Variants in KCNIP4 observed in about 807,000 individuals in gnomAD.
KCNIP4 encodes Kv channel-interacting protein 4.
In KCNIP4, 12 loss-of-function variants were observed where a neutral mutation model predicts 34.0. The observed-to-expected ratio is 0.35, with a 90% CI of 0.23 to 0.57. The LOEUF is 0.57. Ranked by LOEUF, KCNIP4 falls within the 20% of genes least tolerant of loss-of-function variation. The probability of loss-of-function intolerance (pLI) is 0.83; values close to 1 mark genes in which losing one functional copy is unlikely to be tolerated. For missense variants in KCNIP4, 238 were observed against 311.7 expected (o/e 0.76, Z 1.78); for synonymous variants, 124 against 102.2 (o/e 1.21, Z -1.29).
chr4:21,793,303 G>C (rs1442130655), intron 1 of KCNIP4, among the ~76,000 whole-genome samples: 5 of 152,136 alleles, frequency 3.3e-5, no homozygotes, highest in African/African-American at 1.2e-4. Flanking sequence ...AGGCTGAAAT[G>C]CAATAGCACC....
At chr4:21,910,837 C>T (rs1728264859) in intron 1 of KCNIP4, among the ~76,000 whole-genome samples, 1 of 152,042 alleles carries the variant, frequency 6.6e-6, no homozygotes, top group East Asian at 1.9e-4. Context: ...CTTGAGTTTG[C>T]TTTTTTAAGA....
chr4:21,021,954 T>G (rs1481196728), intron 1 of KCNIP4, among the ~76,000 whole-genome samples: 1 of 152,116 alleles, frequency 6.6e-6, no homozygotes, highest in Admixed American at 6.6e-5. Context: ...TTAGCAAATA[T>G]TATGTATTGT....
At chr4:21,200,601 A>T (rs1451406167) in intron 1 of KCNIP4, among the ~76,000 whole-genome samples, 1 of 151,866 alleles carries the variant, frequency 6.6e-6, no homozygotes, top group Non-Finnish European at 1.5e-5. Context: ...GAAAAGGCAT[A>T]CAGAGTGGTA....
At chr4:21,030,632 T>A (rs1254021804) in intron 1 of KCNIP4, among the ~76,000 whole-genome samples, 1 of 152,126 alleles carries the variant, frequency 6.6e-6, no homozygotes, top group African/African-American at 2.4e-5. Context: ...ACTTCAGAAA[T>A]GCTTTGTTTA....
chr4:21,907,658 G>T (rs2108977017), intron 1 of KCNIP4, among the ~76,000 whole-genome samples: 1 of 152,230 alleles, frequency 6.6e-6, no homozygotes, highest in South Asian at 2.1e-4. Context: ...AAATTACACT[G>T]CAATCAGTAG....
chr4:20,899,812 A>G (rs540679942), intron 1 of KCNIP4, among the ~76,000 whole-genome samples: 2 of 152,306 alleles, frequency 1.3e-5, no homozygotes, highest in African/African-American at 4.8e-5. Context: ...GGAAAAATCC[A>G]CTAAGACCTT....
intron 1 of KCNIP4, among the ~76,000 whole-genome samples, chr4:21,198,312 T>C (rs1342277486): frequency 3.3e-5 from 5 of 152,204 alleles, no homozygotes; most frequent in African/African-American, 1.2e-4. Flanking sequence ...ACTGCTAGCA[T>C]TAGTGCTCCC....
chr4:20,992,189 A>C (rs925003000), intron 1 of KCNIP4, among the ~76,000 whole-genome samples: 30 of 152,212 alleles, frequency 2.0e-4, no homozygotes, highest in African/African-American at 7.0e-4. Flanking sequence ...ACACTTCCTC[A>C]TTGCTGGGGA....
At chr4:21,609,321 T>C (rs1380096887) in intron 1 of KCNIP4, among the ~76,000 whole-genome samples, 2 of 152,150 alleles carry the variant, frequency 1.3e-5, no homozygotes, top group Non-Finnish European at 2.9e-5. Flanking sequence ...TCAACCACAA[T>C]ATAGGAAAAT....
At chr4:21,532,374 T>A (rs1482730706) in intron 1 of KCNIP4, among the ~76,000 whole-genome samples, 1 of 152,196 alleles carries the variant, frequency 6.6e-6, no homozygotes, top group Non-Finnish European at 1.5e-5. Flanking sequence ...TTTGTAGTGA[T>A]GTTCATGAAC....
chr4:21,517,964 C>T (rs763311084), intron 1 of KCNIP4, among the ~76,000 whole-genome samples: 15 of 152,086 alleles, frequency 9.9e-5, no homozygotes, highest in Non-Finnish European at 1.8e-4. Flanking sequence ...CAAAAGCCTA[C>T]GGTGGTATTA....
At chr4:21,033,476 G>C (rs187185169) in intron 1 of KCNIP4, among the ~76,000 whole-genome samples, 2 of 152,090 alleles carry the variant, frequency 1.3e-5, no homozygotes, top group African/African-American at 2.4e-5. Context: ...AATATCCATC[G>C]GTCTATTGCA....
intron 1 of KCNIP4, among the ~76,000 whole-genome samples, chr4:20,942,863 G>A (rs1731784262): frequency 1.3e-5 from 2 of 151,932 alleles, no homozygotes; most frequent in South Asian, 4.2e-4. Context: ...GTAGAGACGG[G>A]GTTTCACCAT....
At chr4:21,615,896 C>T (rs906496790) in intron 1 of KCNIP4, among the ~76,000 whole-genome samples, 5 of 152,188 alleles carry the variant, frequency 3.3e-5, no homozygotes, top group Non-Finnish European at 7.3e-5. Context: ...CTGAGCAATC[C>T]TTGTCTCTTG....
intron 1 of KCNIP4, among the ~76,000 whole-genome samples, chr4:21,680,456 T>G (rs1387852212): frequency 1.3e-5 from 2 of 152,214 alleles, no homozygotes; most frequent in African/African-American, 4.8e-5. Flanking sequence ...ATGTTGATGT[T>G]TTGACTTCCT....
At chr4:21,943,672 G>C (rs1403618298) in intron 1 of KCNIP4, among the ~76,000 whole-genome samples, 1 of 152,174 alleles carries the variant, frequency 6.6e-6, no homozygotes, top group Non-Finnish European at 1.5e-5. Context: ...TAAGGAATTT[G>C]TATTTTTGAT....
chr4:21,864,106 C>G (rs1042609690), intron 1 of KCNIP4, among the ~76,000 whole-genome samples: 2 of 152,174 alleles, frequency 1.3e-5, no homozygotes, highest in Admixed American at 6.5e-5. Context: ...TCCACATTCC[C>G]ATGAACTCAT....
rs1577887616 is a variant in KCNIP4 at position 21,206,697 on chromosome 4, C to T, written c.62-323988G>A. On this transcript the variant is annotated intron_variant, in intron 1 of 8. Coordinates refer to ENST00000382152, the MANE Select transcript of KCNIP4 (RefSeq NM_025221.6). ...TAACAATTATATTTCATTAACAGTA[C>T]ATAATTGAAGGATGTTATCTGATTT... is the stretch of plus-strand genomic sequence containing the variant. Among the ~76,000 whole-genome samples, 3 of 152,140 alleles carry T rather than the reference C, an allele frequency of 2.0e-5. No individual in the cohort carries two copies. The East Asian group carries it at 5.8e-4, about 29-fold the overall frequency.
At chr4:20,911,358 G>A (rs1226519688) in intron 1 of KCNIP4, among the ~76,000 whole-genome samples, 1 of 152,160 alleles carries the variant, frequency 6.6e-6, no homozygotes, top group Non-Finnish European at 1.5e-5. Context: ...AGTTTTCATG[G>A]TTCATTATTT....
Sources: allele counts gnomAD v4.1 joint callset (sites outside exome capture counted in the v4.1 genomes callset), GRCh38; gene constraint gnomAD v4.1.1; transcripts MANE v1.5; gene names NCBI Gene and HGNC (gene_info 2026-07-23, HGNC 2026-07-21).